The following ADAMTSL3 variants were observed in gnomAD, a reference collection of about 807,000 sequenced individuals.
ADAMTSL3 encodes ADAMTS-like protein 3.
In ADAMTSL3, 128 loss-of-function variants were observed where a neutral mutation model predicts 201.7. The ratio of observed to expected loss-of-function variants is 0.63; its 90% confidence interval spans 0.55 to 0.73. The LOEUF is 0.73. Ranked by LOEUF, ADAMTSL3 falls within the 30% of genes least tolerant of loss-of-function variation. The pLI, the probability that ADAMTSL3 is intolerant of heterozygous loss-of-function variation, is 0.00. For synonymous variants in ADAMTSL3, 738 were observed against 748.4 expected (o/e 0.99, Z 0.23); for missense variants, 1,990 against 2,119.6 (o/e 0.94, Z 1.20).
At chr15:83,754,144 G>C (rs982677462) in intron 3 of ADAMTSL3, among the ~76,000 whole-genome samples, 6 of 152,166 alleles carry the variant, frequency 3.9e-5, no homozygotes, top group Non-Finnish European at 1.5e-5. Context: ...AATGCCAGTA[G>C]CACCTCCCTC....
intron 23 of ADAMTSL3, 102 bp downstream of exon 23, chr15:83,991,316 C>G: frequency 6.5e-7 from 1 of 1,547,388 alleles, no homozygotes; most frequent in East Asian, 2.3e-5. Context: ...TATTCGAGAC[C>G]TCAGCCTGAT....
chr15:83,845,453 C>G (rs2064477849), intron 7 of ADAMTSL3, among the ~76,000 whole-genome samples: 1 of 152,168 alleles, frequency 6.6e-6, no homozygotes, highest in South Asian at 2.1e-4. Flanking sequence ...TGCAATAGAA[C>G]TGGACTGGAA....
intron 3 of ADAMTSL3, among the ~76,000 whole-genome samples, chr15:83,715,297 A>T (rs1201805374): frequency 6.6e-6 from 1 of 152,210 alleles, no homozygotes; most frequent in African/African-American, 2.4e-5. Context: ...AATTACATTC[A>T]TCATTCTGCA....
At chr15:84,012,122 G>A (rs560178995) in intron 23 of ADAMTSL3, among the ~76,000 whole-genome samples, 21 of 151,994 alleles carry the variant, frequency 1.4e-4, no homozygotes, top group East Asian at 3.9e-4. Context: ...CAAATCTCTC[G>A]GTGTATTGGT....
In ADAMTSL3 at chr15:84,039,717, A is replaced by G. The variant is rs959028221; in HGVS notation, c.*1911A>G. ...ATTGTACTTTCATTGTTGTCATTCA[A>G]TTGACATTCCTGTGTACTGTATTTT... On this transcript the variant is annotated 3_prime_UTR_variant, in exon 30 of 30. Coordinates refer to ENST00000286744, the MANE Select transcript of ADAMTSL3 (RefSeq NM_207517.3). The G allele has an allele frequency of 2.0e-5, 3 of 152,624 alleles. No homozygotes were observed. Among genetic ancestry groups the G allele is most frequent in the South Asian group, 2.1e-4 (1 of 4,824 alleles). 9.5% of individuals were successfully genotyped at this position (152,624 alleles called of 1,614,324 possible).
At chr15:83,958,808 A>G (rs2066904153) in intron 19 of ADAMTSL3, among the ~76,000 whole-genome samples, 1 of 152,094 alleles carries the variant, frequency 6.6e-6, no homozygotes, top group South Asian at 2.1e-4. Flanking sequence ...ATGATAGCTG[A>G]CGGTTTAGAA....
chr15:83,840,440 G>C, intron 7 of ADAMTSL3, among the ~76,000 whole-genome samples: 1 of 152,266 alleles, frequency 6.6e-6, no homozygotes, highest in South Asian at 2.1e-4. Flanking sequence ...ATAGAGGGAA[G>C]GATTTGCTCA....
At chr15:83,828,343 A>G (rs1373311148) in intron 6 of ADAMTSL3, among the ~76,000 whole-genome samples, 1 of 152,210 alleles carries the variant, frequency 6.6e-6, no homozygotes, top group African/African-American at 2.4e-5. Flanking sequence ...TTATTGGTGT[A>G]TAAGAATGCT....
intron 6 of ADAMTSL3, among the ~76,000 whole-genome samples, chr15:83,826,013 A>G (rs2064014299): frequency 6.6e-6 from 1 of 152,240 alleles, no homozygotes; most frequent in South Asian, 2.1e-4. Flanking sequence ...GACAGGATCT[A>G]GCCAAACAGT....
rs78917663 is a variant in ADAMTSL3, at chr15:83,667,150, T to C, written c.69+11320T>C. Among the ~76,000 whole-genome samples the C allele has an allele frequency of 8.9e-3, 1,361 of 152,282 alleles. 14 individuals carry two copies. Among genetic ancestry groups the C allele is most frequent in the Non-Finnish European group, 0.014 (962 of 68,014 alleles). On this transcript the variant is annotated intron_variant, in intron 2 of 29. Transcript: ENST00000286744. Reference sequence around the variant, plus strand: ...AGAAAATATATGGATATCTATATTATCACCTAGTCTTATATTTCTTTTTAA... The same window carrying C: ...AGAAAATATATGGATATCTATATTACCACCTAGTCTTATATTTCTTTTTAA...
chr15:83,829,353 C>G (rs2064100198), intron 6 of ADAMTSL3, among the ~76,000 whole-genome samples: 1 of 152,216 alleles, frequency 6.6e-6, no homozygotes. Flanking sequence ...GTTTGTATTT[C>G]TGTGGGATCG....
At chr15:84,032,113 CACTT>C (rs748742564) in intron 28 of ADAMTSL3, among the ~76,000 whole-genome samples, 1 of 152,212 alleles carries the variant, frequency 6.6e-6, no homozygotes, top group Non-Finnish European at 1.5e-5. Context: ...TTATATCACT[CACTT>C]ACTGTGTGAC....
chr15:83,982,292 G>T lies in ADAMTSL3; in HGVS notation c.2664G>T (p.Lys888Asn). ...TTGGAGAAATCAAATCAGAGATGAA[G>T]ACAAAACTTGGTGAGCAGGGTCCGC... ...PECSKIKSEM[K>N]TKLGEQGPQI... The change falls in exon 21 of 30, where the codon AAG becomes AAT. Residue 888 changes from lysine (K) to asparagine (N), a missense_variant. Physicochemically the swap from Lys to Asn is moderately conservative, Grantham distance 94. Transcript: ENST00000286744. 1 of 1,594,960 alleles carries T rather than the reference G, an allele frequency of 6.3e-7. No homozygotes were observed. The highest frequency in any genetic ancestry group is 8.6e-7 in the Non-Finnish European group (1 of 1,168,596).
chr15:83,853,149 G>A lies in ADAMTSL3; in HGVS notation c.728-5617G>A, dbSNP rs912307249. ...GGATTACAGGCATGAGCCACCATGC[G>A]CAGCCGGTTGTGCCCATTTTTTAAA... On this transcript the variant is annotated intron_variant, in intron 7 of 29. Transcript: ENST00000286744. Among the ~76,000 whole-genome samples the A allele has an allele frequency of 2.6e-5, 4 of 152,106 alleles. No individual in the cohort carries two copies. In the East Asian group the frequency reaches 5.8e-4, roughly 22 times the overall value.
intron 3 of ADAMTSL3, among the ~76,000 whole-genome samples, chr15:83,769,858 A>G (rs1340775460): frequency 6.6e-6 from 1 of 150,978 alleles, no homozygotes; most frequent in Non-Finnish European, 1.5e-5. Flanking sequence ...TATCTAGTTC[A>G]GTCACATGCT....
At chr15:83,839,566 T>A (rs897269257) in intron 7 of ADAMTSL3, among the ~76,000 whole-genome samples, 1 of 152,160 alleles carries the variant, frequency 6.6e-6, no homozygotes, top group Non-Finnish European at 1.5e-5. Context: ...ACCTGTCAGA[T>A]GAGCTTGGAA....
intron 3 of ADAMTSL3, among the ~76,000 whole-genome samples, chr15:83,750,964 C>T (rs1378914839): frequency 6.6e-6 from 1 of 152,162 alleles, no homozygotes; most frequent in African/African-American, 2.4e-5. Flanking sequence ...ATTATTAATT[C>T]ATGCATTAAT....
At chr15:83,808,768 T>C (rs1318310935) in intron 5 of ADAMTSL3, among the ~76,000 whole-genome samples, 1 of 152,174 alleles carries the variant, frequency 6.6e-6, no homozygotes, top group African/African-American at 2.4e-5. Flanking sequence ...AAATGTGGTA[T>C]ATATACACAA....
chr15:83,665,401 T>G (rs2061236350), intron 2 of ADAMTSL3, among the ~76,000 whole-genome samples: 1 of 152,124 alleles, frequency 6.6e-6, no homozygotes, highest in South Asian at 2.1e-4. Context: ...TATACTACTC[T>G]TTGAGAGAGA....
Sources: gnomAD v4.1 joint callset for allele counts (sites outside exome capture counted in the v4.1 genomes callset) on GRCh38, gnomAD v4.1.1 for gene constraint, MANE v1.5 for transcripts, NCBI Gene and HGNC (gene_info 2026-07-23, HGNC 2026-07-21) for gene names.